Variants in PCDH7 observed in about 807,000 individuals in gnomAD.
The protein encoded by PCDH7 is protocadherin 7, also known as protocadherin-7.
PCDH7 carries 17 observed loss-of-function variants against 58.9 expected under a neutral mutation model. The ratio of observed to expected loss-of-function variants is 0.29; its 90% CI spans 0.20 to 0.43. PCDH7 has a LOEUF of 0.43. Ranked by LOEUF, PCDH7 falls within the 20% of genes least tolerant of loss-of-function variation. PCDH7 has a pLI of 1.00. For synonymous variants in PCDH7, 664 were observed against 616.4 expected (o/e 1.08, Z -1.14); for missense variants, 1,274 against 1,441.0 (o/e 0.88, Z 1.88).
chr4:30,995,030 T>C (rs916430654), intron 3 of PCDH7, among the ~76,000 whole-genome samples: 4 of 152,214 alleles, frequency 2.6e-5, no homozygotes, highest in Non-Finnish European at 5.9e-5. Context: ...TGATTACATA[T>C]TGACACAATA....
intron 3 of PCDH7, among the ~76,000 whole-genome samples, chr4:31,037,042 G>A (rs1755468876): frequency 6.6e-6 from 1 of 152,114 alleles, no homozygotes; most frequent in Non-Finnish European, 1.5e-5. Context: ...TAGCACATGG[G>A]AATTGTGGGA....
intron 3 of PCDH7, among the ~76,000 whole-genome samples, chr4:31,093,946 C>T (rs190324818): frequency 2.8e-4 from 42 of 152,070 alleles, no homozygotes; most frequent in African/African-American, 9.6e-4. Flanking sequence ...AATTTGTAAG[C>T]GATCTTTACC....
At chr4:31,058,653 A>C (rs1311487950) in intron 3 of PCDH7, among the ~76,000 whole-genome samples, 1 of 152,008 alleles carries the variant, frequency 6.6e-6, no homozygotes, top group East Asian at 1.9e-4. Context: ...CCTTCTTATA[A>C]TGTAGGTAAT....
chr4:30,903,693 C>T (rs1740520902), intron 1 of PCDH7, among the ~76,000 whole-genome samples: 2 of 152,016 alleles, frequency 1.3e-5, no homozygotes, highest in Non-Finnish European at 2.9e-5. Flanking sequence ...TAGTTGATGT[C>T]ACAGAAGAAG....
rs137860604 is a variant in PCDH7 at position 31,079,824 on chromosome 4, C to A, written c.*8-62649C>A. ...ATCAACACATTTGGGTGGATTCATA[C>A]AATGTAGAATTCTGCAGATAAATCA... On this transcript the variant is annotated intron_variant, in intron 3 of 3. Transcript: ENST00000509759. 2.6e-5 allele frequency among the ~76,000 whole-genome samples: 4 copies of A among 151,772 alleles called. No homozygotes were observed. In the East Asian group the frequency reaches 7.8e-4, roughly 30 times the overall value.
At position 30,844,825 on chromosome 4, in the gene PCDH7, T is replaced by A. The variant is rs141300096; in HGVS notation, c.71-75328T>A. ...CTAAGGTTTAACCCTTCTAATTACA[T>A]TCCACAGGGTTAAAATCAGGTGGGC... On this transcript the variant is annotated intron_variant, in intron 1 of 3. Transcript: ENST00000509759. Among the ~76,000 whole-genome samples the A allele has an allele frequency of 6.8e-3, 1,035 of 152,298 alleles. 4 individuals are homozygous for A. The highest frequency in any genetic ancestry group is 0.011 in the Non-Finnish European group (720 of 68,022).
At chr4:30,894,516 T>TATATATACAC (rs1400204196) in intron 1 of PCDH7, among the ~76,000 whole-genome samples, 71 of 32,182 alleles carry the variant, frequency 2.2e-3, no homozygotes, top group East Asian at 3.4e-3. Flanking sequence ...TATATATATA[T>TATATATACAC]ACACACACAC....
intron 1 of PCDH7, among the ~76,000 whole-genome samples, chr4:30,864,276 A>G (rs2109356745): frequency 6.6e-6 from 1 of 152,204 alleles, no homozygotes; most frequent in Middle Eastern, 3.4e-3. Flanking sequence ...CATCCCGAAT[A>G]TGAGACAGAC....
intron 1 of PCDH7, among the ~76,000 whole-genome samples, chr4:30,878,047 G>T (rs1736508423): frequency 6.6e-6 from 1 of 152,102 alleles, no homozygotes; most frequent in Non-Finnish European, 1.5e-5. Flanking sequence ...GCAAATACTG[G>T]ATTGATATGG....
chr4:31,067,295 G>A (rs1033225167), intron 3 of PCDH7, among the ~76,000 whole-genome samples: 1 of 150,624 alleles, frequency 6.6e-6, no homozygotes, highest in Non-Finnish European at 1.5e-5. Context: ...CACTGTTCCA[G>A]GGATGTCTAG....
At chr4:30,856,361 G>A (rs1733457958) in intron 1 of PCDH7, among the ~76,000 whole-genome samples, 1 of 151,910 alleles carries the variant, frequency 6.6e-6, no homozygotes, top group African/African-American at 2.4e-5. Context: ...TGATATTGCT[G>A]GAACTAACTT....
intron 3 of PCDH7, among the ~76,000 whole-genome samples, chr4:31,102,601 A>T (rs1715039621): frequency 6.6e-6 from 1 of 151,024 alleles, no homozygotes; most frequent in South Asian, 2.1e-4. Flanking sequence ...GGAACCGGGG[A>T]GGTGAAGGCT....
intron 3 of PCDH7, among the ~76,000 whole-genome samples, chr4:30,961,691 G>C (rs951401829): frequency 6.6e-6 from 1 of 152,024 alleles, no homozygotes; most frequent in Non-Finnish European, 1.5e-5. Flanking sequence ...ATGCAATATT[G>C]GTGTTTGCTT....
chr4:31,074,426 G>T (rs1170344800), intron 3 of PCDH7, among the ~76,000 whole-genome samples: 1 of 151,806 alleles, frequency 6.6e-6, no homozygotes, highest in African/African-American at 2.4e-5. Context: ...CTATATTTGG[G>T]TGTGACTGGA....
intron 1 of PCDH7, among the ~76,000 whole-genome samples, chr4:30,742,027 G>A (rs1308500167): frequency 1.3e-5 from 2 of 152,150 alleles, no homozygotes; most frequent in Admixed American, 6.5e-5. Flanking sequence ...CCAGGAATAC[G>A]CTTGTGAGTC....
intron 1 of PCDH7, among the ~76,000 whole-genome samples, chr4:30,808,569 T>C (rs1043164406): frequency 6.6e-6 from 1 of 152,156 alleles, no homozygotes; most frequent in Non-Finnish European, 1.5e-5. Context: ...TCAACATTCA[T>C]CCTCCCTTCT....
intron 1 of PCDH7, among the ~76,000 whole-genome samples, chr4:30,888,749 G>A (rs1398601448): frequency 6.6e-6 from 1 of 152,172 alleles, no homozygotes; most frequent in African/African-American, 2.4e-5. Context: ...AAATTGGACT[G>A]GAGAGTGGTT....
At chr4:30,836,331 A>T (rs1730476813) in intron 1 of PCDH7, among the ~76,000 whole-genome samples, 2 of 152,236 alleles carry the variant, frequency 1.3e-5, no homozygotes, top group Admixed American at 1.3e-4. Flanking sequence ...CAAATGTATT[A>T]AGTGCTGTGA....
At chr4:30,762,472 A>G (rs1367691196) in intron 1 of PCDH7, among the ~76,000 whole-genome samples, 1 of 150,346 alleles carries the variant, frequency 6.7e-6, no homozygotes, top group Non-Finnish European at 1.5e-5. Flanking sequence ...GAAGTTATTT[A>G]CTCTTCTTTT....
Sources: allele counts gnomAD v4.1 joint callset (sites outside exome capture counted in the v4.1 genomes callset), GRCh38; gene constraint gnomAD v4.1.1; transcripts MANE v1.5; gene names NCBI Gene and HGNC (gene_info 2026-07-23, HGNC 2026-07-21).